The following STAB2 variants were observed in gnomAD, a reference collection of about 807,000 sequenced individuals.
STAB2 encodes the protein stabilin 2, also known as stabilin-2.
A neutral mutation model predicts 338.1 loss-of-function variants in STAB2; 288 were observed. The ratio of observed to expected loss-of-function variants is 0.85; its 90% CI spans 0.77 to 0.94. STAB2 has a LOEUF of 0.94. Among genes scored for constraint, STAB2 ranks in the 40% least tolerant of loss-of-function variants. The pLI is 0.00. For missense variants in STAB2, 3,141 were observed against 3,210.1 expected (o/e 0.98, Z 0.52); for synonymous variants, 1,202 against 1,193.3 (o/e 1.01, Z -0.15).
intron 24 of STAB2, 38 bp downstream of exon 24, chr12:103,676,059 T>TC: frequency 3.6e-6 from 1 of 281,124 alleles, no homozygotes; most frequent in East Asian, 1.1e-4. Flanking sequence ...GCCTGGTTTC[T>TC]TTTTTTTTTT....
At chr12:103,678,367 A>T (rs944333115) in intron 25 of STAB2, among the ~76,000 whole-genome samples, 8 of 152,196 alleles carry the variant, frequency 5.3e-5, no homozygotes, top group Admixed American at 2.6e-4. Context: ...GATATCTCCC[A>T]CTTGACCCCG....
chr12:103,747,454 C>T (rs1340013504), intron 58 of STAB2, among the ~76,000 whole-genome samples: 1 of 152,180 alleles, frequency 6.6e-6, no homozygotes, highest in Non-Finnish European at 1.5e-5. Context: ...GCTCTGCCAT[C>T]GTTCACTCAC....
chr12:103,702,022 A>ACACC lies in STAB2; in HGVS notation c.3715-1125_3715-1124insACCC, dbSNP rs1555242449. On this transcript the variant is annotated intron_variant, in intron 34 of 68. Transcript: ENST00000388887. ...CACACACACACACACACACACACAC[A>ACACC]CCCCACCCCAATTTTTCAAAGAATG... 4.1e-5 allele frequency among the ~76,000 whole-genome samples: 5 copies of ACACC among 122,418 alleles called. No individual in the cohort carries two copies. In the South Asian group the frequency reaches 1.3e-3, roughly 33 times the overall value. The allele number at this position is 122,418 out of a possible 152,430, so 80.3% of individuals were successfully genotyped here.
At chr12:103,714,479 C>G (rs1442049313) in intron 42 of STAB2, among the ~76,000 whole-genome samples, 1 of 152,156 alleles carries the variant, frequency 6.6e-6, no homozygotes, top group Non-Finnish European at 1.5e-5. Flanking sequence ...GCAGGCAGAT[C>G]ATAAGGTCAG....
intron 18 of STAB2, among the ~76,000 whole-genome samples, chr12:103,665,553 G>A (rs567456889): frequency 1.2e-4 from 19 of 152,272 alleles, no homozygotes; most frequent in Admixed American, 3.3e-4. Flanking sequence ...AGCAGGAAGC[G>A]TGGAAGAGGT....
chr12:103,665,325 A>G (rs1204537948), intron 18 of STAB2, among the ~76,000 whole-genome samples: 1 of 152,204 alleles, frequency 6.6e-6, no homozygotes, highest in Non-Finnish European at 1.5e-5. Context: ...TAGAGGTTTA[A>G]TAACAACACT....
chr12:103,720,077 A>G lies in STAB2; in HGVS notation c.4683+2236A>G, dbSNP rs182920996. ...GTCTGGCAAGCTCCTCAAGAGATCA[A>G]TGTCCTCTACATGAAACAGTTATGT... On this transcript the variant is annotated intron_variant, in intron 44 of 68. Transcript: ENST00000388887. Among the ~76,000 whole-genome samples the G allele has an allele frequency of 2.6e-3, 389 of 152,352 alleles. 1 individual carries two copies. The highest frequency in any genetic ancestry group is 4.8e-3 in the Non-Finnish European group (324 of 68,034).
At chr12:103,650,437 C>T in intron 10 of STAB2, 59 bp from the exon 11 acceptor site, 1 of 1,491,464 alleles carries the variant, frequency 6.7e-7, no homozygotes, top group South Asian at 1.1e-5. Context: ...TGATTTTACT[C>T]CTCCTGTACC....
At chr12:103,613,484 G>C (rs1957160425) in intron 3 of STAB2, among the ~76,000 whole-genome samples, 1 of 152,184 alleles carries the variant, frequency 6.6e-6, no homozygotes, top group Non-Finnish European at 1.5e-5. Context: ...GACCCTCCAA[G>C]CCACGTGCGG....
At chr12:103,721,282 C>T (rs566500480) in intron 44 of STAB2, among the ~76,000 whole-genome samples, 11 of 152,098 alleles carry the variant, frequency 7.2e-5, no homozygotes, top group South Asian at 2.1e-4. Flanking sequence ...TGTTAAGAAG[C>T]GGGCAGCCAC....
At chr12:103,708,352 A>T in intron 38 of STAB2, 89 bp from the exon 39 acceptor site, 2 of 1,293,670 alleles carry the variant, frequency 1.5e-6, no homozygotes, top group Non-Finnish European at 1.1e-6. Context: ...TTGGAGAATT[A>T]AGTGCAATAA....
chr12:103,723,982 G>T (rs1880982089), intron 44 of STAB2, among the ~76,000 whole-genome samples: 1 of 151,866 alleles, frequency 6.6e-6, no homozygotes, highest in Non-Finnish European at 1.5e-5. Context: ...AATGTTGACT[G>T]CAAAGCCAGG....
At chr12:103,703,060 A>G (rs765835046) in intron 34 of STAB2, 88 bp from the exon 35 acceptor site, 171 of 1,414,556 alleles carry the variant, frequency 1.2e-4, no homozygotes, top group Middle Eastern at 1.8e-4. Flanking sequence ...TCTCCTAGGC[A>G]ATTGTCCTAT....
At chr12:103,754,960 A>T (rs1883982690) in intron 61 of STAB2, 2 of 225,288 alleles carry the variant, frequency 8.9e-6, no homozygotes, top group African/African-American at 2.3e-5. Context: ...AAAAAAAAAA[A>T]ATTTGAGTTC....
chr12:103,670,868 C>CACGAG, intron 22 of STAB2, 61 bp downstream of exon 22: 1 of 1,423,522 alleles, frequency 7.0e-7, no homozygotes, highest in Non-Finnish European at 9.8e-7. Flanking sequence ...CGTGCTGCAG[C>CACGAG]AGGGTGCTGG....
intron 6 of STAB2, among the ~76,000 whole-genome samples, chr12:103,636,716 G>A (rs1957553633): frequency 6.6e-6 from 1 of 152,062 alleles, no homozygotes; most frequent in Admixed American, 6.6e-5. Context: ...TTTGCAAGTT[G>A]GCTGATGTCA....
At chr12:103,712,115 AG>A (rs1466451884) in intron 40 of STAB2, among the ~76,000 whole-genome samples, 4 of 152,242 alleles carry the variant, frequency 2.6e-5, no homozygotes, top group Admixed American at 6.5e-5. Flanking sequence ...AAAGCTTGGC[AG>A]CTACCCATCT....
chr12:103,696,896 T>C (rs1013634505), intron 33 of STAB2, among the ~76,000 whole-genome samples: 8 of 152,022 alleles, frequency 5.3e-5, no homozygotes, highest in African/African-American at 1.9e-4. Flanking sequence ...TGGGGGAGGA[T>C]TGTATATGGG....
At chr12:103,736,323 G>A (rs1882120180) in intron 52 of STAB2, among the ~76,000 whole-genome samples, 1 of 152,180 alleles carries the variant, frequency 6.6e-6, no homozygotes, top group East Asian at 1.9e-4. Context: ...AAGGGCAAAA[G>A]GGATGCATCT....
Sources: gnomAD v4.1 joint callset for allele counts (sites outside exome capture counted in the v4.1 genomes callset) on GRCh38, gnomAD v4.1.1 for gene constraint, MANE v1.5 for transcripts, NCBI Gene and HGNC (gene_info 2026-07-23, HGNC 2026-07-21) for gene names.